The following KATNBL1 variants were observed in gnomAD, a reference collection of about 807,000 sequenced individuals.
The protein encoded by KATNBL1 is katanin regulatory subunit B1 like 1.
In KATNBL1, 28 loss-of-function variants were observed where a neutral mutation model predicts 44.7. The ratio of observed to expected loss-of-function variants is 0.63; its 90% CI spans 0.46 to 0.86. The LOEUF (loss-of-function observed/expected upper bound fraction) is 0.86. KATNBL1 is among the 40% of genes least tolerant of loss of function. KATNBL1 has a pLI of 0.00. For synonymous variants in KATNBL1, 78 were observed against 114.9 expected, an observed-to-expected ratio of 0.68 and a Z score of 2.06; for missense variants, 272 against 350.7, an observed-to-expected ratio of 0.78 and a Z score of 1.79.
intron 1 of KATNBL1, among the ~76,000 whole-genome samples, chr15:34,196,076 T>C (rs1386821036): frequency 2.0e-5 from 3 of 152,074 alleles, no homozygotes; most frequent in African/African-American, 7.2e-5. Flanking sequence ...AATAAAAAGA[T>C]TCATTAAAAA....
At chr15:34,153,219 G>A in intron 3 of KATNBL1, 150 bp from the exon 4 acceptor site, 2 of 523,134 alleles carry the variant, frequency 3.8e-6, no homozygotes, top group Non-Finnish European at 6.5e-6. Flanking sequence ...ATTCTGAGTT[G>A]AAGAGAAAAG....
rs138056269 is a variant in KATNBL1 at position 34,170,478 on chromosome 15, G to C, written c.-14-6788C>G. Reference sequence around the variant, plus strand: ...GAAGAACATTCCATGCTCATGGATAGGAAGAATCAATATCGTGAAAATGGC... The same window carrying C: ...GAAGAACATTCCATGCTCATGGATACGAAGAATCAATATCGTGAAAATGGC... On this transcript the variant is annotated intron_variant, in intron 1 of 9. Transcript: ENST00000256544. 9.0e-3 allele frequency among the ~76,000 whole-genome samples: 1,378 copies of C among 152,288 alleles called. 20 individuals are homozygous for C. The highest frequency in any genetic ancestry group is 0.032 in the African/African-American group (1,310 of 41,544).
At chr15:34,205,214 G>A (rs998473221) in intron 1 of KATNBL1, among the ~76,000 whole-genome samples, 3 of 152,006 alleles carry the variant, frequency 2.0e-5, no homozygotes, top group Admixed American at 6.6e-5. Context: ...GGATGGTCTC[G>A]ATCTCTCGAC....
chr15:34,168,480 A>G (rs1403949037), intron 1 of KATNBL1, among the ~76,000 whole-genome samples: 3 of 152,140 alleles, frequency 2.0e-5, no homozygotes, highest in African/African-American at 7.2e-5. Context: ...ACTCCCACAC[A>G]ATAACAATGG....
chr15:34,145,109 T>C, intron 9 of KATNBL1: 1 of 1,117,312 alleles, frequency 9.0e-7, no homozygotes, highest in Admixed American at 3.6e-5. Flanking sequence ...CTTATTGGAT[T>C]CTCAAAATTT....
Position 34,142,269 on chromosome 15 carries a change from T to TTTTTTTTG in KATNBL1, c.*69_*70insCAAAAAAA. Reference sequence around the variant, plus strand: ...AGTTCACAGTTCTCAGACGAGACTTTTTTTTTTTGTAAATTATACAGTTCA... The same window carrying TTTTTTTTG: ...AGTTCACAGTTCTCAGACGAGACTTTTTTTTTTGTTTTTTTTGTAAATTATACAGTTCA... On this transcript the variant is annotated 3_prime_UTR_variant, in exon 10 of 10. Coordinates refer to ENST00000256544, the MANE Select transcript of KATNBL1 (RefSeq NM_024713.3). The TTTTTTTTG allele has an allele frequency of 1.4e-6, 2 of 1,447,536 alleles. No individual in the cohort carries two copies. The highest frequency in any genetic ancestry group is 1.8e-6 in the Non-Finnish European group (2 of 1,090,652). The allele number at this position is 1,447,536 out of a possible 1,614,324, so 89.7% of individuals were successfully genotyped here.
In KATNBL1 at chr15:34,172,397, C is replaced by T. The variant is rs368515911; in HGVS notation, c.-14-8707G>A. Reference sequence around the variant, plus strand: ...TCAGCCTCCTGAGTACCTGGGATTACGGGCTCCCGTCACCATGCCTGGCTA... The same window carrying T: ...TCAGCCTCCTGAGTACCTGGGATTATGGGCTCCCGTCACCATGCCTGGCTA... On this transcript the variant is annotated intron_variant, in intron 1 of 9. Transcript: ENST00000256544. Among the ~76,000 whole-genome samples, 36 of 151,432 alleles carry T rather than the reference C, an allele frequency of 2.4e-4. 1 individual carries two copies. The South Asian group carries it at 5.5e-3, about 23-fold the overall frequency.
chr15:34,207,189 G>A (rs1275746319), intron 1 of KATNBL1, among the ~76,000 whole-genome samples: 1 of 151,796 alleles, frequency 6.6e-6, no homozygotes, highest in African/African-American at 2.4e-5. Flanking sequence ...ACAGGCGCAT[G>A]CCACTACACC....
chr15:34,208,013 T>C (rs907843969), intron 1 of KATNBL1, among the ~76,000 whole-genome samples: 3 of 152,252 alleles, frequency 2.0e-5, no homozygotes, highest in African/African-American at 7.2e-5. Flanking sequence ...GTGTCATATA[T>C]ATTTTTTGTT....
chr15:34,151,903 C>G (rs1463112019), intron 4 of KATNBL1, among the ~76,000 whole-genome samples: 1 of 151,846 alleles, frequency 6.6e-6, no homozygotes. Flanking sequence ...TATTGAGAGC[C>G]CGGCAAAATG....
intron 1 of KATNBL1, among the ~76,000 whole-genome samples, chr15:34,167,262 T>C (rs773191373): frequency 2.6e-5 from 4 of 152,172 alleles, no homozygotes; most frequent in Non-Finnish European, 4.4e-5. Flanking sequence ...AATGACATCA[T>C]GGAGCTGAAA....
At chr15:34,199,499 T>C (rs1481850603) in intron 1 of KATNBL1, 1 of 152,162 alleles carries the variant, frequency 6.6e-6, no homozygotes, top group Non-Finnish European at 1.5e-5. Context: ...AATATTCAAA[T>C]CATAAAACTA....
At chr15:34,169,401 A>G (rs1033764991) in intron 1 of KATNBL1, among the ~76,000 whole-genome samples, 1 of 152,226 alleles carries the variant, frequency 6.6e-6, no homozygotes, top group African/African-American at 2.4e-5. Flanking sequence ...AAGAAGTTCA[A>G]TTGCTGAATA....
In KATNBL1 at chr15:34,151,410, A is replaced by G. The variant is rs151043231; in HGVS notation, c.438+1380T>C. ...CACCTACATGTATGTCTTCTTTTGAAAAGTGTCTATTGTGTCCTTTGCCTA... is the reference window on the plus strand; with the variant it reads ...CACCTACATGTATGTCTTCTTTTGAGAAGTGTCTATTGTGTCCTTTGCCTA... On this transcript the variant is annotated intron_variant, in intron 4 of 9. Transcript: ENST00000256544. Among the ~76,000 whole-genome samples, 729 of 139,470 alleles carry G rather than the reference A, an allele frequency of 5.2e-3. 8 individuals carry two copies. The highest frequency in any genetic ancestry group is 0.018 in the African/African-American group (684 of 38,360). The allele number at this position is 139,470 out of a possible 152,430, so 91.5% of individuals were successfully genotyped here.
At chr15:34,146,710 G>T in intron 8 of KATNBL1, 51 bp downstream of exon 8, 1 of 1,022,208 alleles carries the variant, frequency 9.8e-7, no homozygotes, top group Non-Finnish European at 1.6e-6. Flanking sequence ...TAATCAAGCT[G>T]CTTTCCTGAA....
chr15:34,206,530 G>A (rs998196471), intron 1 of KATNBL1, among the ~76,000 whole-genome samples: 1 of 152,158 alleles, frequency 6.6e-6, no homozygotes, highest in Non-Finnish European at 1.5e-5. Flanking sequence ...GGTGGCTCAC[G>A]CCTGTAATCC....
At chr15:34,208,134 G>C (rs756546749) in intron 1 of KATNBL1, among the ~76,000 whole-genome samples, 1 of 152,078 alleles carries the variant, frequency 6.6e-6, no homozygotes, top group Non-Finnish European at 1.5e-5. Context: ...GGGAACAAGT[G>C]GTGTTTGGTT....
At chr15:34,146,480 T>TCA in intron 8 of KATNBL1, 2 of 283,396 alleles carry the variant, frequency 7.1e-6, no homozygotes, top group Non-Finnish European at 1.3e-5. Context: ...CCTCCCTTAC[T>TCA]CATAATGAAT....
intron 2 of KATNBL1, among the ~76,000 whole-genome samples, chr15:34,157,855 G>A (rs1888683618): frequency 6.6e-6 from 1 of 152,128 alleles, no homozygotes; most frequent in African/African-American, 2.4e-5. Context: ...AATGACATGT[G>A]CAATGAAATG....
Sources: gnomAD v4.1 joint callset for allele counts (sites outside exome capture counted in the v4.1 genomes callset) on GRCh38, gnomAD v4.1.1 for gene constraint, MANE v1.5 for transcripts, NCBI Gene and HGNC (gene_info 2026-07-23, HGNC 2026-07-21) for gene names.